The following RYR2 variants were observed in gnomAD, a reference collection of about 807,000 sequenced individuals.
RYR2 encodes ryanodine receptor 2, also known as cardiac muscle ryanodine receptor-calcium release channel.
In RYR2, 227 loss-of-function variants were observed where a neutral mutation model predicts 601.1. The ratio of observed to expected loss-of-function variants is 0.38; its 90% confidence interval spans 0.34 to 0.42. The LOEUF is 0.42. Among genes scored for constraint, RYR2 ranks in the 10% least tolerant of loss-of-function variants. The pLI is 1.00. For missense variants in RYR2, 4,646 were observed against 6,156.5 expected (o/e 0.75, Z 8.21); for synonymous variants, 2,223 against 2,175.1 (o/e 1.02, Z -0.61).
chr1:237,083,853 G>C lies in RYR2; in HGVS notation c.48+41284G>C, dbSNP rs1156452770. ...TTCATCCCCTTAAACTTCCCTGGAG[G>C]ATGTGGGACTTTTGTCCACTTAGGC... On this transcript the variant is annotated intron_variant, in intron 1 of 104. Coordinates refer to ENST00000366574, the MANE Select transcript of RYR2 (RefSeq NM_001035.3). Among the ~76,000 whole-genome samples, 4 of 152,130 alleles carry C rather than the reference G, an allele frequency of 2.6e-5. No individual in the cohort carries two copies. The East Asian group carries it at 7.7e-4, about 29-fold the overall frequency.
Position 237,674,756 on chromosome 1 carries a change from A to G in RYR2, c.8740A>G (p.Thr2914Ala). Residue 2914 changes from threonine to alanine, a missense_variant, in exon 60 of 105, where the codon ACG becomes GCG. Physicochemically the swap from Thr to Ala is moderately conservative, Grantham distance 58 (BLOSUM62 0). Transcript: ENST00000366574. ...SRGFKDLELD[T>A]PSIEKRFAYS... ...AGGATTTAAGGACCTGGAACTGGAC[A>G]CGCCTTCTATTGAGAAACGATTTGC... 6.2e-7 allele frequency: 1 copy of G among 1,611,880 alleles called. No individual in the cohort carries two copies. Among genetic ancestry groups the G allele is most frequent in the South Asian group, 1.1e-5 (1 of 90,936 alleles).
chr1:237,467,858 CTTTT>C (rs199646421), intron 16 of RYR2, among the ~76,000 whole-genome samples: 2 of 123,614 alleles, frequency 1.6e-5, no homozygotes, highest in Non-Finnish European at 3.4e-5. Context: ...ATTTTCTCTG[CTTTT>C]TTTTTTTTTT....
rs556507864 is a variant in RYR2 at position 237,517,783 on chromosome 1, A to G, written c.2822+5992A>G. The stretch of plus-strand genomic sequence containing the variant: ...CATTTATAACAATTGATAAACCTAC[A>G]TTGACACATCATTATCACCCAAAGT... On this transcript the variant is annotated intron_variant, in intron 24 of 104. Coordinates refer to ENST00000366574, the MANE Select transcript of RYR2 (RefSeq NM_001035.3). 2.6e-5 allele frequency among the ~76,000 whole-genome samples: 4 copies of G among 152,270 alleles called. No individual in the cohort carries two copies. The South Asian group carries it at 8.3e-4, about 32-fold the overall frequency.
intron 5 of RYR2, among the ~76,000 whole-genome samples, chr1:237,367,455 G>T (rs1458503655): frequency 6.6e-6 from 1 of 152,068 alleles, no homozygotes; most frequent in African/African-American, 2.4e-5. Context: ...TCTGTTTTTA[G>T]AATAGTTCTG....
rs766484260 is a variant in RYR2 at position 237,674,757 on chromosome 1, C to T, written c.8741C>T (p.Thr2914Met). The T allele has an allele frequency of 1.1e-5, 18 of 1,611,372 alleles. No homozygotes were observed. Among genetic ancestry groups the T allele is most frequent in the African/African-American group, 1.3e-5 (1 of 74,842 alleles). Residue 2914 changes from threonine (T) to methionine (M), a missense_variant, in exon 60 of 105, where the codon ACG becomes ATG. Around this residue, in one of 17 missense-constraint regions of RYR2, gnomAD observed 1,497 missense variants for 1,842.6 expected, o/e 0.81. Transcript: ENST00000366574. ...SRGFKDLELDTPSIEKRFAYS... is the reference protein window; with the variant it reads ...SRGFKDLELDMPSIEKRFAYS... The stretch of plus-strand genomic sequence containing the variant: ...GGATTTAAGGACCTGGAACTGGACA[C>T]GCCTTCTATTGAGAAACGATTTGCC...
In RYR2 at chr1:237,492,822, TGAAA is replaced by T. The variant is rs754879211; in HGVS notation, c.1828-130_1828-127del. The T allele has an allele frequency of 0.079, 63,821 of 810,902 alleles. 5,095 individuals carry two copies. The highest frequency in any genetic ancestry group is 0.1 in the Middle Eastern group (231 of 2,208). 50.2% of individuals were successfully genotyped at this position (810,902 alleles called of 1,614,324 possible). ...CTGGGTGACAGAGTGAGATGCTGTC[TGAAA>T]GGAAGGAAGGAAGGAAGGAAGGAAG... is the stretch of plus-strand genomic sequence containing the variant. On this transcript the variant is annotated intron_variant, in intron 18 of 104. Coordinates refer to ENST00000366574, the MANE Select transcript of RYR2 (RefSeq NM_001035.3).
At chr1:237,379,906 A>G (rs1246515142) in intron 8 of RYR2, among the ~76,000 whole-genome samples, 1 of 152,184 alleles carries the variant, frequency 6.6e-6, no homozygotes, top group Admixed American at 6.5e-5. Context: ...CGTTGCTTTT[A>G]TTGTTGATCT....
chr1:237,647,865 A>G (rs916685914), intron 48 of RYR2, among the ~76,000 whole-genome samples: 3 of 152,250 alleles, frequency 2.0e-5, no homozygotes, highest in East Asian at 1.9e-4. Context: ...ACTAATCTCT[A>G]TAGGCATAAA....
chr1:237,437,893 A>G (rs185206892), intron 12 of RYR2, among the ~76,000 whole-genome samples: 2 of 152,320 alleles, frequency 1.3e-5, no homozygotes, highest in East Asian at 3.9e-4. Context: ...GATAATGCTA[A>G]GATTAGGAGG....
chr1:237,284,493 A>ATAAAATATAT (rs1691263558), intron 2 of RYR2, among the ~76,000 whole-genome samples: 4 of 90,768 alleles, frequency 4.4e-5, no homozygotes, highest in Non-Finnish European at 6.0e-5. Context: ...TATAATATAT[A>ATAAAATATAT]AAATATATAT....
At chr1:237,198,221 T>G (rs2149032969) in intron 1 of RYR2, among the ~76,000 whole-genome samples, 1 of 152,312 alleles carries the variant, frequency 6.6e-6, no homozygotes, top group African/African-American at 2.4e-5. Context: ...AATGAACCAC[T>G]TGTTCTCAGC....
chr1:237,374,513 C>G (rs1009528312), intron 6 of RYR2, among the ~76,000 whole-genome samples: 9 of 152,010 alleles, frequency 5.9e-5, no homozygotes, highest in Admixed American at 3.3e-4. Flanking sequence ...AAATAATTAG[C>G]CAGGCATGGT....
chr1:237,792,359 GT>G (rs1658488588), intron 94 of RYR2, 36 bp downstream of exon 94: 1 of 731,784 alleles, frequency 1.4e-6, no homozygotes, highest in South Asian at 2.2e-5. Flanking sequence ...CTGTGTGTGT[GT>G]GTGTGTGTGT....
At chr1:237,623,154 A>G (rs1163320327) in intron 38 of RYR2, among the ~76,000 whole-genome samples, 1 of 152,206 alleles carries the variant, frequency 6.6e-6, no homozygotes, top group Non-Finnish European at 1.5e-5. Context: ...ATGAATTCTT[A>G]AAGTATACAA....
At chr1:237,718,352 G>T in intron 72 of RYR2, 110 bp from the exon 73 acceptor site, 1 of 516,772 alleles carries the variant, frequency 1.9e-6, no homozygotes, top group South Asian at 4.0e-5. Context: ...ATTTTATAAA[G>T]ATGTTTCTCA....
In RYR2 at chr1:237,801,916, C is replaced by T. The variant is rs1479892874; in HGVS notation, c.14151C>T (p.Asn4717=). ...AACTAGGAGTCGTTTTCACTGACAA[C>T]GTAAGCCTACTTCATTATCACAAAA... ...MWKLGVVFTD[N]SFLYLAWYMT... Residue 4717 remains asparagine (N), a splice_region_variant and synonymous_variant, in exon 98 of 105, where the codon AAC becomes AAT. Coordinates refer to ENST00000366574, the MANE Select transcript of RYR2 (RefSeq NM_001035.3). The T allele has an allele frequency of 1.0e-5, 16 of 1,574,018 alleles. No individual in the cohort carries two copies. The highest frequency in any genetic ancestry group is 1.7e-4 in the Middle Eastern group (1 of 5,964).
At chr1:237,096,244 C>T (rs17669304) in intron 1 of RYR2, among the ~76,000 whole-genome samples, 6,025 of 152,198 alleles carry the variant, frequency 0.04, 182 homozygotes, top group Non-Finnish European at 0.061. Flanking sequence ...TGTCCAATTG[C>T]CAGTCTGGGA....
rs1420517050 is a variant in RYR2 at position 237,566,696 on chromosome 1, T to C, written c.3344T>C (p.Val1115Ala). The change falls in exon 28 of 105, where the codon GTT (valine) becomes GCT (alanine). Residue 1115 changes from valine (V) to alanine (A), a missense_variant. Val to Ala is a moderately conservative substitution (Grantham distance 64). Transcript: ENST00000366574. ...FETVTAGDMR[V>A]GWSRPGCQPD... ...ACGGTCACTGCTGGAGACATGAGGG[T>C]TGGTTGGAGTCGTCCTGGTTGTCAA... 6.2e-7 allele frequency: 1 copy of C among 1,613,734 alleles called. No homozygotes were observed. The highest frequency in any genetic ancestry group is 8.5e-7 in the Non-Finnish European group (1 of 1,179,814).
At chr1:237,232,695 G>A (rs1030227141) in intron 1 of RYR2, among the ~76,000 whole-genome samples, 3 of 152,238 alleles carry the variant, frequency 2.0e-5, no homozygotes, top group Middle Eastern at 6.8e-3. Context: ...GAGAAGTAGG[G>A]GGCAGTCTTG....
Sources: allele counts gnomAD v4.1 joint callset (sites outside exome capture counted in the v4.1 genomes callset), GRCh38; gene constraint gnomAD v4.1.1; regional missense constraint gnomAD v4.1.1; transcripts MANE v1.5; gene names NCBI Gene and HGNC (gene_info 2026-07-23, HGNC 2026-07-21).